The following OMA1 variants were observed in gnomAD, a reference collection of about 807,000 sequenced individuals.
OMA1 encodes metalloendopeptidase OMA1, mitochondrial.
In OMA1, 38 loss-of-function variants were observed where a neutral mutation model predicts 30.9. That is an observed-to-expected ratio of 1.23 (90% CI 0.95 to 1.61). The LOEUF (loss-of-function observed/expected upper bound fraction) is 1.61. OMA1 is among the 40% of genes most tolerant of loss of function. OMA1 has a pLI of 0.00. For synonymous variants in OMA1, 173 were observed against 121.9 expected (o/e 1.42, Z -2.76); for missense variants, 461 against 349.2 (o/e 1.32, Z -2.55).
chr1:58,545,297 A>G (rs1259979009), intron 1 of OMA1, among the ~76,000 whole-genome samples: 1 of 152,232 alleles, frequency 6.6e-6, no homozygotes, highest in Non-Finnish European at 1.5e-5. Context: ...AATCCTATTG[A>G]CACAGAAGGT....
At chr1:58,541,407 C>T (rs1646612685) in intron 1 of OMA1, 2 of 144,732 alleles carry the variant, frequency 1.4e-5, no homozygotes, top group South Asian at 4.4e-4. Context: ...CAAACTAATC[C>T]ATAGTGACAG....
intron 5 of OMA1, 151 bp downstream of exon 5, chr1:58,533,802 C>T (rs1646473849): frequency 1.6e-6 from 1 of 606,936 alleles, no homozygotes. Flanking sequence ...TAGCCAATCA[C>T]GTTTTTTTCA....
chr1:58,502,643 C>T (rs901405016), intron 8 of OMA1, among the ~76,000 whole-genome samples: 5 of 152,190 alleles, frequency 3.3e-5, no homozygotes, highest in African/African-American at 1.2e-4. Flanking sequence ...TATACAGACT[C>T]ACATAATTCT....
At chr1:58,517,077 G>C (rs1181530541) in intron 7 of OMA1, among the ~76,000 whole-genome samples, 3 of 152,168 alleles carry the variant, frequency 2.0e-5, no homozygotes, top group Non-Finnish European at 4.4e-5. Context: ...ATCAAGTCCA[G>C]GATACCCAAA....
chr1:58,529,195 T>C (rs889650010), intron 6 of OMA1, among the ~76,000 whole-genome samples: 2 of 152,170 alleles, frequency 1.3e-5, no homozygotes, highest in Non-Finnish European at 2.9e-5. Flanking sequence ...AATAATAGAC[T>C]TAGTTATCCA....
chr1:58,534,042 A>C lies in OMA1; in HGVS notation c.922T>G (p.Phe308Val). 1 of 870,746 alleles carries C rather than the reference A, an allele frequency of 1.1e-6. No homozygotes were observed. Among genetic ancestry groups the C allele is most frequent in the Non-Finnish European group, 2.0e-6 (1 of 501,202 alleles). 53.9% of individuals were successfully genotyped at this position (870,746 alleles called of 1,614,324 possible). The change falls in exon 5 of 9, where the codon TTC (phenylalanine) becomes GTC (valine). Residue 308 changes from phenylalanine to valine, a missense_variant. By Grantham distance (50) the Phe-to-Val change is conservative (BLOSUM62 -1). Coordinates refer to ENST00000371226, the MANE Select transcript of OMA1 (RefSeq NM_145243.5). ...GTTACACTATTTAAAAATCCAGTGA[A>C]AACAAACATTTGTCCATTCTGCACC... is the stretch of plus-strand genomic sequence containing the variant. ...FVLPNGQMFV[F>V]TGFLNSVTDI...
intron 2 of OMA1, 111 bp downstream of exon 2, chr1:58,538,684 A>G (rs1557459422): frequency 5.5e-6 from 3 of 546,084 alleles, no homozygotes; most frequent in Admixed American, 3.5e-5. Flanking sequence ...GGTTTCTTTA[A>G]AAGTACAGTT....
At chr1:58,534,407 G>A (rs913978694) in intron 3 of OMA1, 76 bp from the exon 4 acceptor site, 8 of 662,290 alleles carry the variant, frequency 1.2e-5, no homozygotes, top group African/African-American at 3.7e-5. Flanking sequence ...AAAGTTATAT[G>A]GCTACTTATT....
In OMA1 at chr1:58,534,310, C is replaced by A. The variant is rs1646482872; in HGVS notation, c.751G>T (p.Asp251Tyr). The change falls in exon 4 of 9, where the codon GAT (aspartate) becomes TAT (tyrosine). Residue 251 changes from aspartate (D) to tyrosine (Y), a missense_variant. Transcript: ENST00000371226. ...CGGGCATCTTTCTCAGTTAGCATAT[C>A]ATTTTTAAATTCTTCCATCCACTGA... ...YEAWMEEFKN[D>Y]MLTEKDARYL... The A allele has an allele frequency of 2.3e-6, 2 of 855,174 alleles. No individual in the cohort carries two copies. Among genetic ancestry groups the A allele is most frequent in the Non-Finnish European group, 2.0e-6 (1 of 496,772 alleles). The allele number at this position is 855,174 out of a possible 1,614,324, so 53.0% of individuals were successfully genotyped here.
At chr1:58,500,583 T>A (rs1411195619) in intron 8 of OMA1, among the ~76,000 whole-genome samples, 1 of 152,118 alleles carries the variant, frequency 6.6e-6, no homozygotes, top group Non-Finnish European at 1.5e-5. Flanking sequence ...TTGAATGAAG[T>A]GAATTTGATA....
intron 8 of OMA1, among the ~76,000 whole-genome samples, chr1:58,494,355 T>G (rs1200801440): frequency 6.6e-6 from 1 of 151,804 alleles, no homozygotes; most frequent in Non-Finnish European, 1.5e-5. Context: ...GACATAGGCA[T>G]GGGCAAGGAC....
intron 8 of OMA1, among the ~76,000 whole-genome samples, chr1:58,487,662 T>G (rs547906097): frequency 6.6e-6 from 1 of 152,332 alleles, no homozygotes; most frequent in Non-Finnish European, 1.5e-5. Flanking sequence ...TAAATTTGAT[T>G]TATTTATACC....
At chr1:58,525,404 G>A (rs1033833955) in intron 7 of OMA1, among the ~76,000 whole-genome samples, 3 of 152,052 alleles carry the variant, frequency 2.0e-5, no homozygotes, top group Non-Finnish European at 4.4e-5. Flanking sequence ...AAAGGTTGCT[G>A]GGTACAAGGT....
intron 8 of OMA1, among the ~76,000 whole-genome samples, chr1:58,489,599 T>A (rs1278815997): frequency 1.3e-5 from 2 of 152,114 alleles, no homozygotes; most frequent in Non-Finnish European, 2.9e-5. Context: ...GAGTAGTGGT[T>A]CTCCCAGCAT....
At chr1:58,486,701 ATG>A (rs1243063460) in intron 8 of OMA1, among the ~76,000 whole-genome samples, 1 of 152,236 alleles carries the variant, frequency 6.6e-6, no homozygotes, top group Non-Finnish European at 1.5e-5. Flanking sequence ...TGGACGGACA[ATG>A]AGTACATGGA....
chr1:58,527,938 A>C (rs1330118771), intron 6 of OMA1, among the ~76,000 whole-genome samples: 1 of 152,232 alleles, frequency 6.6e-6, no homozygotes, highest in Non-Finnish European at 1.5e-5. Flanking sequence ...ATTTATGTGA[A>C]TGCTTTCCAG....
At chr1:58,491,370 A>C (rs537648964) in intron 8 of OMA1, among the ~76,000 whole-genome samples, 64 of 152,310 alleles carry the variant, frequency 4.2e-4, no homozygotes, top group South Asian at 2.7e-3. Flanking sequence ...CGAGCAAAAT[A>C]ACCAGCTAAC....
intron 8 of OMA1, among the ~76,000 whole-genome samples, chr1:58,504,654 T>C (rs1483632026): frequency 2.0e-5 from 3 of 152,324 alleles, no homozygotes; most frequent in African/African-American, 4.8e-5. Context: ...CACAGAATAG[T>C]AGATTAATCA....
At chr1:58,481,491 A>C (rs1225565342) in intron 8 of OMA1, among the ~76,000 whole-genome samples, 3 of 152,236 alleles carry the variant, frequency 2.0e-5, no homozygotes, top group Non-Finnish European at 2.9e-5. Context: ...AAACTCTAGC[A>C]GACCGGAGAA....
Sources: allele counts gnomAD v4.1 joint callset (sites outside exome capture counted in the v4.1 genomes callset), GRCh38; gene constraint gnomAD v4.1.1; transcripts MANE v1.5; gene names NCBI Gene and HGNC (gene_info 2026-07-23, HGNC 2026-07-21).